Variants in CLHC1 observed in about 807,000 individuals in gnomAD.
The protein encoded by CLHC1 is clathrin heavy chain linker domain-containing protein 1.
CLHC1 carries 72 observed loss-of-function variants against 69.5 expected under a neutral mutation model. That is an observed-to-expected ratio of 1.04 (90% CI 0.86 to 1.26). CLHC1 has a LOEUF of 1.26. Ranked by LOEUF, CLHC1 falls within the 50% of genes most tolerant of loss-of-function variation. The pLI, the probability that CLHC1 is intolerant of heterozygous loss-of-function variation, is 0.00. For synonymous variants in CLHC1, 223 were observed against 224.3 expected, an observed-to-expected ratio of 0.99 and a Z score of 0.05; for missense variants, 790 against 679.3, an observed-to-expected ratio of 1.16 and a Z score of -1.81.
At chr2:55,204,543 G>A (rs754796393) in intron 9 of CLHC1, among the ~76,000 whole-genome samples, 6 of 152,090 alleles carry the variant, frequency 3.9e-5, no homozygotes, top group Non-Finnish European at 5.9e-5. Flanking sequence ...CAACCACTAC[G>A]GAAAACACTT....
At chr2:55,202,639 G>A (rs988315405) in intron 9 of CLHC1, among the ~76,000 whole-genome samples, 19 of 151,908 alleles carry the variant, frequency 1.3e-4, no homozygotes, top group Non-Finnish European at 2.1e-4. Flanking sequence ...GCTAACACCT[G>A]TAATCCCAAC....
chr2:55,217,554 T>TAC (rs1558508555), intron 4 of CLHC1, among the ~76,000 whole-genome samples: 1 of 22,150 alleles, frequency 4.5e-5, no homozygotes, highest in African/African-American at 2.5e-4. Flanking sequence ...AAAAAAAAAA[T>TAC]ATATATATAT....
chr2:55,202,786 C>T (rs999866158), intron 9 of CLHC1, among the ~76,000 whole-genome samples: 35 of 145,632 alleles, frequency 2.4e-4, no homozygotes, highest in African/African-American at 6.1e-4. Context: ...GTTGGCCCAG[C>T]GACTCGGGAG....
chr2:55,180,045 T>A (rs556419913), intron 11 of CLHC1, among the ~76,000 whole-genome samples: 33 of 151,934 alleles, frequency 2.2e-4, no homozygotes, highest in African/African-American at 7.2e-4. Flanking sequence ...TCCCAGCTAC[T>A]TGGGAGGCTG....
Position 55,175,554 on chromosome 2 carries a change from T to TTA in CLHC1, c.*234_*235dup, listed in dbSNP as rs999801273. ...ATGCCCTACACTGTTTCACACAAAG[T>TTA]TATAATCTTGGATTTTATCAAGATT... On this transcript the variant is annotated 3_prime_UTR_variant, in exon 13 of 13. Transcript: ENST00000401408. The TTA allele has an allele frequency of 6.1e-6, 3 of 488,506 alleles. No homozygotes were observed. Among genetic ancestry groups the TTA allele is most frequent in the African/African-American group, 5.7e-5 (3 of 52,278 alleles). 30.3% of individuals were successfully genotyped at this position (488,506 alleles called of 1,614,324 possible). A position where few individuals can be genotyped will look rare whatever the true frequency, so the allele number is the denominator to read the frequency against.
chr2:55,187,674 G>A lies in CLHC1; in HGVS notation c.1007-5930C>T, dbSNP rs60218056. On this transcript the variant is annotated intron_variant, in intron 9 of 12. Transcript: ENST00000401408. Reference sequence around the variant, plus strand: ...CAAATCATACTGAACACAAAAACAAGTTTCAGGTAGCTTAAAAATCAAATG... The same window carrying A: ...CAAATCATACTGAACACAAAAACAAATTTCAGGTAGCTTAAAAATCAAATG... 8.4e-3 allele frequency among the ~76,000 whole-genome samples: 1,268 copies of A among 151,846 alleles called. 23 individuals carry two copies. Among genetic ancestry groups the A allele is most frequent in the African/African-American group, 0.029 (1,202 of 41,398 alleles).
intron 1 of CLHC1, among the ~76,000 whole-genome samples, chr2:55,229,548 T>C (rs774718132): frequency 1.3e-5 from 2 of 152,188 alleles, no homozygotes; most frequent in African/African-American, 2.4e-5. Flanking sequence ...ATGTAGGGTC[T>C]TGAGGGCAGA....
intron 11 of CLHC1, 23 bp downstream of exon 11, chr2:55,180,458 CAATTAAAGCCCAGAATTCAAATGTATACA>C: frequency 7.3e-7 from 1 of 1,363,170 alleles, no homozygotes; most frequent in Non-Finnish European, 1.0e-6. Context: ...GGTAATCTTA[CAATTAAAGCCCAGAATTCAAATGTATACA>C]AATGGCAGAC....
At chr2:55,223,348 G>T (rs11694920) in intron 2 of CLHC1, among the ~76,000 whole-genome samples, 1 of 152,214 alleles carries the variant, frequency 6.6e-6, no homozygotes, top group East Asian at 1.9e-4. Flanking sequence ...GATGTCAAAA[G>T]TAACAGTATT....
chr2:55,207,198 A>T (rs565358919), intron 8 of CLHC1, among the ~76,000 whole-genome samples: 5 of 152,302 alleles, frequency 3.3e-5, no homozygotes, highest in Non-Finnish European at 7.4e-5. Flanking sequence ...GCCAGGCAAC[A>T]GGTTCCCAAT....
intron 9 of CLHC1, among the ~76,000 whole-genome samples, chr2:55,187,691 A>G (rs1670548503): frequency 6.6e-6 from 1 of 152,120 alleles, no homozygotes; most frequent in South Asian, 2.1e-4. Flanking sequence ...GTAGCTTAAA[A>G]ATCAAATGTA....
Position 55,209,842 on chromosome 2 carries a change from AG to A in CLHC1, c.500-12del. Reference sequence around the variant, plus strand: ...CTTGAAGAGTCATGCCTATGGGGAAAGGGAACAAATCAAACACGACAAGCCA... The same window carrying A: ...CTTGAAGAGTCATGCCTATGGGGAAAGGAACAAATCAAACACGACAAGCCA... On this transcript the variant is annotated splice_polypyrimidine_tract_variant and intron_variant, in intron 5 of 12. Coordinates refer to ENST00000401408, the MANE Select transcript of CLHC1 (RefSeq NM_152385.4). 1 of 1,579,770 alleles carries A rather than the reference AG, an allele frequency of 6.3e-7. No individual in the cohort carries two copies. The highest frequency in any genetic ancestry group is 1.3e-5 in the African/African-American group (1 of 74,302).
intron 3 of CLHC1, 136 bp downstream of exon 3, chr2:55,222,099 T>A (rs1487757837): frequency 1.6e-5 from 10 of 636,258 alleles, no homozygotes; most frequent in Non-Finnish European, 2.7e-5. Context: ...TCTGAGAAAT[T>A]GGATGAACTT....
chr2:55,189,457 C>T (rs1464954254), intron 9 of CLHC1, among the ~76,000 whole-genome samples: 2 of 152,130 alleles, frequency 1.3e-5, no homozygotes, highest in Admixed American at 1.3e-4. Context: ...GGACATAAGG[C>T]AGTGAAGGAT....
intron 10 of CLHC1, among the ~76,000 whole-genome samples, chr2:55,180,927 G>A (rs1309954004): frequency 1.3e-5 from 2 of 152,050 alleles, no homozygotes; most frequent in Non-Finnish European, 2.9e-5. Flanking sequence ...AAAGTTATTT[G>A]GAATGTAGTG....
chr2:55,208,685 T>G lies in CLHC1; in HGVS notation c.840A>C (p.Leu280=). 6.2e-7 allele frequency: 1 copy of G among 1,611,984 alleles called. No homozygotes were observed. Among genetic ancestry groups the G allele is most frequent in the African/African-American group, 1.3e-5 (1 of 75,016 alleles). ...TTGCCCTGCGTGGATCATCTTCCAT[T>G]AGTTCTTCAACAATGCCTTGGTCAC... ...LQGDQGIVEE[L]MEDDPRRAKE... The change falls in exon 8 of 13, where the codon CTA becomes CTC. Residue 280 remains leucine (L), a synonymous_variant. Coordinates refer to ENST00000401408, the MANE Select transcript of CLHC1 (RefSeq NM_152385.4).
chr2:55,194,434 T>C (rs1051494761), intron 9 of CLHC1, among the ~76,000 whole-genome samples: 1 of 151,952 alleles, frequency 6.6e-6, no homozygotes, highest in Non-Finnish European at 1.5e-5. Context: ...GAAAAACCTA[T>C]AGCTAATAAT....
At chr2:55,230,129 C>T (rs1030299731) in intron 1 of CLHC1, among the ~76,000 whole-genome samples, 4 of 152,064 alleles carry the variant, frequency 2.6e-5, no homozygotes, top group South Asian at 2.1e-4. Flanking sequence ...GATTATAGGA[C>T]GCAAGGGTCA....
intron 5 of CLHC1, among the ~76,000 whole-genome samples, chr2:55,211,054 C>T (rs138047817): frequency 1.3e-5 from 2 of 152,282 alleles, no homozygotes; most frequent in African/African-American, 4.8e-5. Flanking sequence ...TCACAAAATA[C>T]TCCTCCCCCA....
Sources: gnomAD v4.1 joint callset for allele counts (sites outside exome capture counted in the v4.1 genomes callset) on GRCh38, gnomAD v4.1.1 for gene constraint, MANE v1.5 for transcripts, NCBI Gene and HGNC (gene_info 2026-07-23, HGNC 2026-07-21) for gene names.